FLG2: variants seen among roughly 807,000 people sequenced by gnomAD.
FLG2 encodes the protein filaggrin 2.
Under a neutral mutation model 3.9 loss-of-function variants are expected in FLG2, and 7 were observed. The ratio of observed to expected loss-of-function variants is 1.79; its 90% CI spans 1.02 to 3.36. The LOEUF is 3.36. FLG2 is among the 30% of genes most tolerant of loss of function. FLG2 has a pLI of 0.00. For synonymous variants in FLG2, 1,031 were observed against 1,056.1 expected, an observed-to-expected ratio of 0.98 and a Z score of 0.46; for missense variants, 2,700 against 2,809.4, an observed-to-expected ratio of 0.96 and a Z score of 0.88.
At position 152,356,115 on chromosome 1, in the gene FLG2, G is replaced by T; in HGVS notation, c.1671C>A (p.Gly557=). 6.2e-7 allele frequency: 1 copy of T among 1,608,968 alleles called. No homozygotes were observed. The highest frequency in any genetic ancestry group is 8.5e-7 in the Non-Finnish European group (1 of 1,178,908). Residue 557 remains glycine (G), a synonymous_variant, in exon 3 of 3, where the codon GGC becomes GGA. Coordinates refer to ENST00000388718, the MANE Select transcript of FLG2 (RefSeq NM_001014342.3). Reference sequence around the variant, plus strand: ...CAGATGTCTCTCTAGACCCATATTGGCCATAGCCAGATGATTGACTTGAGC... The same window carrying T: ...CAGATGTCTCTCTAGACCCATATTGTCCATAGCCAGATGATTGACTTGAGC... ...GSGSSQSSGY[G]QYGSRETSGF...
Position 152,351,078 on chromosome 1 carries a change from AC to A in FLG2, c.6707del (p.Gly2236ValfsTer166), listed in dbSNP as rs1252319393. The A allele has an allele frequency of 1.2e-6, 2 of 1,612,950 alleles. No homozygotes were observed. Among genetic ancestry groups the A allele is most frequent in the East Asian group, 4.5e-5 (2 of 44,788 alleles). ...ACCCTCTCTGTGTGGATTGTCCATA[AC>A]CATAGTGGGCATGTCTAGTGGTATC... ...TGDTTRHAHY[G>X]YGQSTQRGSR... is the part of the protein sequence containing the mutation. On this transcript the variant is annotated frameshift_variant, in exon 3 of 3. Coordinates refer to ENST00000388718, the MANE Select transcript of FLG2 (RefSeq NM_001014342.3). LOFTEE classifies it low-confidence loss of function (END_TRUNC).
chr1:152,359,007 T>G (rs909753688), intron 1 of FLG2, 101 bp from the exon 2 acceptor site: 1 of 1,108,724 alleles, frequency 9.0e-7, no homozygotes, highest in African/African-American at 1.6e-5. Flanking sequence ...AACCTCTTGT[T>G]TTTTAAATCT....
chr1:152,352,681 G>T lies in FLG2; in HGVS notation c.5105C>A (p.Thr1702Asn). Residue 1702 changes from threonine to asparagine, a missense_variant, in exon 3 of 3, where the codon ACC (threonine) becomes AAC (asparagine). Thr to Asn is a moderately conservative substitution (Grantham distance 65). Transcript: ENST00000388718. Reference protein sequence around the residue: ...HGTTHGQTGDTTRHAHYHHGL... With the variant: ...HGTTHGQTGDNTRHAHYHHGL... Reference sequence around the variant, plus strand: ...ATGATGATAGTGGGCATGTCTAGTGGTATCTCCTGTCTGTCCATGAGTAGT... The same window carrying T: ...ATGATGATAGTGGGCATGTCTAGTGTTATCTCCTGTCTGTCCATGAGTAGT... 1 of 1,613,696 alleles carries T rather than the reference G, an allele frequency of 6.2e-7. No individual in the cohort carries two copies. Among genetic ancestry groups the T allele is most frequent in the Middle Eastern group, 1.7e-4 (1 of 6,056 alleles).
chr1:152,358,980 A>G, intron 1 of FLG2, 74 bp from the exon 2 acceptor site: 1 of 1,374,146 alleles, frequency 7.3e-7, no homozygotes, highest in Non-Finnish European at 9.8e-7. Context: ...TTTAATAATA[A>G]CCAGCATGAT....
In FLG2 at chr1:152,357,648, C is replaced by G; in HGVS notation, c.139-1G>C. ...CCACTGTGTCTGGATCATCTGGGTT[C>G]TGTATATGAGTGACACACCAAGGGA... is the stretch of plus-strand genomic sequence containing the variant. On this transcript the variant is annotated splice_acceptor_variant, in intron 2 of 2. Transcript: ENST00000388718. LOFTEE classifies it high-confidence loss of function. 1 of 1,609,434 alleles carries G rather than the reference C, an allele frequency of 6.2e-7. No individual in the cohort carries two copies. Among genetic ancestry groups the G allele is most frequent in the Non-Finnish European group, 8.5e-7 (1 of 1,177,640 alleles).
chr1:152,352,825 C>G lies in FLG2; in HGVS notation c.4961G>C (p.Ser1654Thr). Reference protein sequence around the residue: ...RTTGRQRSSHSESSDSEVHSG... With the variant: ...RTTGRQRSSHTESSDSEVHSG... The stretch of plus-strand genomic sequence containing the variant: ...GTGCACTTCACTGTCACTGGACTCA[C>G]TGTGGCTAGATCTCTGTCTTCCAGT... The change falls in exon 3 of 3, where the codon AGT becomes ACT. Residue 1654 changes from serine (S) to threonine (T), a missense_variant. Ser to Thr is a moderately conservative substitution (Grantham distance 58). Transcript: ENST00000388718. 1 of 1,613,814 alleles carries G rather than the reference C, an allele frequency of 6.2e-7. No individual in the cohort carries two copies. The highest frequency in any genetic ancestry group is 8.5e-7 in the Non-Finnish European group (1 of 1,179,952).
Position 152,351,617 on chromosome 1 carries a change from G to C in FLG2, c.6169C>G (p.Gln2057Glu). The C allele has an allele frequency of 6.2e-7, 1 of 1,611,046 alleles. No homozygotes were observed. The highest frequency in any genetic ancestry group is 8.5e-7 in the Non-Finnish European group (1 of 1,179,440). ...ACTGAGGATCCTGACTCTCCATGTT[G>C]AGATCCGGCTTGGCCATGAGCGTGT... Reference protein sequence around the residue: ...SGHAHGQAGSQHGESGSSVHE... With the variant: ...SGHAHGQAGSEHGESGSSVHE... Residue 2057 changes from glutamine (Q) to glutamate (E), a missense_variant, in exon 3 of 3, where the codon CAA becomes GAA. Gln to Glu is a conservative substitution (Grantham distance 29, BLOSUM62 2). Coordinates refer to ENST00000388718, the MANE Select transcript of FLG2 (RefSeq NM_001014342.3).
Position 152,356,513 on chromosome 1 carries a change from G to A in FLG2, c.1273C>T (p.Gln425Ter). The change falls in exon 3 of 3, where the codon CAG becomes TAG. Residue 425 changes from glutamine to a stop codon, truncating the protein, a stop_gained. Coordinates refer to ENST00000388718, the MANE Select transcript of FLG2 (RefSeq NM_001014342.3). LOFTEE classifies it low-confidence loss of function (END_TRUNC). ...KCDQYGSGSS[Q>*]STSFEQHGTG... Reference sequence around the variant, plus strand: ...CCATGTTGTTCAAAGCTAGTAGACTGACTTGAACCAGACCCATATTGATCA... The same window carrying A: ...CCATGTTGTTCAAAGCTAGTAGACTAACTTGAACCAGACCCATATTGATCA... The A allele has an allele frequency of 1.2e-6, 2 of 1,614,262 alleles. No individual in the cohort carries two copies. Among genetic ancestry groups the A allele is most frequent in the South Asian group, 1.1e-5 (1 of 91,086 alleles).
In FLG2 at chr1:152,353,101, G is replaced by A. The variant is rs745802989; in HGVS notation, c.4685C>T (p.Thr1562Ile). 14 of 1,613,552 alleles carry A rather than the reference G, an allele frequency of 8.7e-6. No homozygotes were observed. The highest frequency in any genetic ancestry group is 5.1e-6 in the Non-Finnish European group (6 of 1,179,932). The change falls in exon 3 of 3, where the codon ACA becomes ATA. Residue 1562 changes from threonine to isoleucine, a missense_variant. Coordinates refer to ENST00000388718, the MANE Select transcript of FLG2 (RefSeq NM_001014342.3). ...RHSYSGHEQT[T>I]QTGSRTTGRQ... ...TCCAGTTGTCCTGGACCCTGTCTGTGTGGTTTGTTCATGACCAGAGTAGGA... is the reference window on the plus strand; with the variant it reads ...TCCAGTTGTCCTGGACCCTGTCTGTATGGTTTGTTCATGACCAGAGTAGGA...
chr1:152,358,695 C>G lies in FLG2; in HGVS notation c.138+52G>C, dbSNP rs1654340270. 5 of 1,576,448 alleles carry G rather than the reference C, an allele frequency of 3.2e-6. No individual in the cohort carries two copies. In the South Asian group the frequency reaches 5.9e-5, roughly 19 times the overall value. On this transcript the variant is annotated intron_variant, in intron 2 of 2. Coordinates refer to ENST00000388718, the MANE Select transcript of FLG2 (RefSeq NM_001014342.3). ...TTTTTAGCTGATCTGGGTCATACAA[C>G]AGAGCTTGTACAGGACTCCAGCAGC... is the stretch of plus-strand genomic sequence containing the variant.
Position 152,355,797 on chromosome 1 carries a change from A to G in FLG2, c.1989T>C (p.Gly663=). 1.2e-6 allele frequency: 2 copies of G among 1,612,494 alleles called. No individual in the cohort carries two copies. Among genetic ancestry groups the G allele is most frequent in the Non-Finnish European group, 1.7e-6 (2 of 1,179,714 alleles). ...CATGTTGTCCAAAGCCAGAGGACTG[A>G]CCTGAGCCTGATCCATATTGGCCAA... ...TGFGQYGSGS[G]QSSGFGQHVS... is the part of the protein sequence containing the mutation. The change falls in exon 3 of 3, where the codon GGT becomes GGC. Residue 663 remains glycine, a synonymous_variant. Transcript: ENST00000388718.
intron 2 of FLG2, among the ~76,000 whole-genome samples, chr1:152,358,272 C>T (rs566109275): frequency 8.5e-5 from 13 of 152,120 alleles, no homozygotes; most frequent in Non-Finnish European, 1.9e-4. Context: ...TCACCCACTT[C>T]GGCCTCCCAA....
rs776417956 is a variant in FLG2, at chr1:152,351,854, G to A, written c.5932C>T (p.Gln1978Ter). The change falls in exon 3 of 3, where the codon CAA becomes TAA. Residue 1978 changes from glutamine to a stop codon, truncating the protein, a stop_gained. Coordinates refer to ENST00000388718, the MANE Select transcript of FLG2 (RefSeq NM_001014342.3). LOFTEE classifies it low-confidence loss of function (END_TRUNC). ...SHTHSGHTHG[Q>*]AGSHYPESGS... ...GACTCTGGATAGTGAGATCCAGCTTGACCGTGAGTGTGTCCTGAATGTGTG... is the reference window on the plus strand; with the variant it reads ...GACTCTGGATAGTGAGATCCAGCTTAACCGTGAGTGTGTCCTGAATGTGTG... 6.2e-7 allele frequency: 1 copy of A among 1,612,456 alleles called. No homozygotes were observed. The highest frequency in any genetic ancestry group is 1.1e-5 in the South Asian group (1 of 90,964).
In FLG2 at chr1:152,357,499, G is replaced by A. The variant is rs1273182153; in HGVS notation, c.287C>T (p.Ala96Val). 1.9e-6 allele frequency: 3 copies of A among 1,614,064 alleles called. No homozygotes were observed. The South Asian group carries it at 3.3e-5, about 18-fold the overall frequency. The change falls in exon 3 of 3, where the codon GCT (alanine) becomes GTT (valine). Residue 96 changes from alanine to valine, a missense_variant. Ala to Val is a moderately conservative substitution (Grantham distance 64). Transcript: ENST00000388718. Reference sequence around the variant, plus strand: ...ACGCCTATGCTTCTTTGACCCTGAAGCTTTGCAGTATTCTTTGCTGAGGAC... The same window carrying A: ...ACGCCTATGCTTCTTTGACCCTGAAACTTTGCAGTATTCTTTGCTGAGGAC... ...NKVLSKEYCK[A>V]SGSKKHRRGH...
chr1:152,355,503 A>T lies in FLG2; in HGVS notation c.2283T>A (p.His761Gln). 1 of 1,612,892 alleles carries T rather than the reference A, an allele frequency of 6.2e-7. No individual in the cohort carries two copies. The highest frequency in any genetic ancestry group is 2.2e-5 in the East Asian group (1 of 44,658). The change falls in exon 3 of 3, where the codon CAT (histidine) becomes CAA (glutamine). Residue 761 changes from histidine to glutamine, a missense_variant. His to Gln is a conservative substitution (Grantham distance 24, BLOSUM62 0). Transcript: ENST00000388718. ...GSGQSSGFGQ[H>Q]ESRSGQSSYG... ...AGCTAGACTGACCTGATCTAGACTC[A>T]TGTTGTCCAAAGCCAGAGGATTGTC...
Position 152,350,993 on chromosome 1 carries a change from A to G in FLG2, c.6793T>C (p.Ser2265Pro). The change falls in exon 3 of 3, where the codon TCA (serine) becomes CCA (proline). Residue 2265 changes from serine to proline, a missense_variant. Physicochemically the swap from Ser to Pro is moderately conservative, Grantham distance 74 (BLOSUM62 -1). Transcript: ENST00000388718. ...HSESSDSEVH[S>P]WGSHTHSGHI... ...CCTGAATGTGTGTGTGAGCCCCATG[A>G]GTGCACTTCACTGTCACTGGACTCA... 1.9e-6 allele frequency: 3 copies of G among 1,613,694 alleles called. No homozygotes were observed. The highest frequency in any genetic ancestry group is 2.5e-6 in the Non-Finnish European group (3 of 1,179,936).
At position 152,353,027 on chromosome 1, in the gene FLG2, C is replaced by G. The variant is rs1654018470; in HGVS notation, c.4759G>C (p.Gly1587Arg). Residue 1587 changes from glycine to arginine, a missense_variant, in exon 3 of 3, where the codon GGG (glycine) becomes CGG (arginine). Gly to Arg is a moderately radical substitution (Grantham distance 125). Coordinates refer to ENST00000388718, the MANE Select transcript of FLG2 (RefSeq NM_001014342.3). ...SESTDSEVHSGGSHRPHSREH... is the reference protein window; with the variant it reads ...SESTDSEVHSRGSHRPHSREH... The stretch of plus-strand genomic sequence containing the variant: ...CGTGAGTGTGGTCTGTGTGAGCCCC[C>G]TGAGTGCACTTCACTGTCAGTGGAC... 2 of 1,613,596 alleles carry G rather than the reference C, an allele frequency of 1.2e-6. No individual in the cohort carries two copies. Among genetic ancestry groups the G allele is most frequent in the Non-Finnish European group, 1.7e-6 (2 of 1,179,906 alleles).
rs1183408943 is a variant in FLG2 at position 152,356,640 on chromosome 1, T to A, written c.1146A>T (p.Gln382His). 6.2e-7 allele frequency: 1 copy of A among 1,614,074 alleles called. No individual in the cohort carries two copies. The highest frequency in any genetic ancestry group is 1.3e-5 in the African/African-American group (1 of 74,918). ...TGSSQSSCCGQYGSGGSQSCS... is the reference protein window; with the variant it reads ...TGSSQSSCCGHYGSGGSQSCS... ...AAGACTGGCTACCTCCAGACCCATA[T>A]TGTCCACAGCAAGAGGACTGACTTG... The change falls in exon 3 of 3, where the codon CAA becomes CAT. Residue 382 changes from glutamine (Q) to histidine (H), a missense_variant. Coordinates refer to ENST00000388718, the MANE Select transcript of FLG2 (RefSeq NM_001014342.3).
In FLG2 at chr1:152,352,968, A is replaced by G. The variant is rs905831995; in HGVS notation, c.4818T>C (p.His1606=). Residue 1606 remains histidine (H), a synonymous_variant, in exon 3 of 3, where the codon CAT becomes CAC. Coordinates refer to ENST00000388718, the MANE Select transcript of FLG2 (RefSeq NM_001014342.3). ...EHTYGQAGSQ[H]EEPEFTVHER... ...CATGAACTGTGAATTCTGGCTCTTC[A>G]TGTTGAGATCCGGCTTGGCCGTAAG... 56 of 1,610,110 alleles carry G rather than the reference A, an allele frequency of 3.5e-5. No individual in the cohort carries two copies. The highest frequency in any genetic ancestry group is 4.4e-5 in the Non-Finnish European group (52 of 1,179,504).
Sources: gnomAD v4.1 joint callset for allele counts (sites outside exome capture counted in the v4.1 genomes callset) on GRCh38, gnomAD v4.1.1 for gene constraint, MANE v1.5 for transcripts, NCBI Gene and HGNC (gene_info 2026-07-23, HGNC 2026-07-21) for gene names.